The following PRP4K variants were observed in gnomAD, a reference collection of about 807,000 sequenced individuals.
PRP4K encodes pre-mRNA processing factor kinase PRP4K.
chr6:4,024,812 A>G, the PRP4K span, among the ~76,000 whole-genome samples: 1 of 152,186 alleles, frequency 6.6e-6, no homozygotes, highest in African/African-American at 2.4e-5. Flanking sequence ...CATATTGGCC[A>G]GGCTGGTCTC....
chr6:4,056,788 GAGA>G, the PRP4K span: 11 of 1,335,080 alleles, frequency 8.2e-6, no homozygotes, highest in Non-Finnish European at 1.0e-5. Flanking sequence ...AATGAGAAAA[GAGA>G]AGAAATACAT....
At chr6:4,048,645 G>A in the PRP4K span, among the ~76,000 whole-genome samples, 7 of 151,926 alleles carry the variant, frequency 4.6e-5, no homozygotes, top group African/African-American at 9.7e-5. Flanking sequence ...ATGGCTCACC[G>A]CAGCCTTGAA....
chr6:4,053,530 T>C, the PRP4K span, among the ~76,000 whole-genome samples: 1 of 147,788 alleles, frequency 6.8e-6, no homozygotes, highest in East Asian at 2.0e-4. Flanking sequence ...AAACCTTAAT[T>C]CTCTTCGACT....
At chr6:4,060,293 A>G in the PRP4K span, 1 of 860,790 alleles carries the variant, frequency 1.2e-6, no homozygotes, top group South Asian at 1.8e-5. This position sits in a 1 kb window ranked among gnomAD's most constrained non-coding sequence, Gnocchi z 4.7. Flanking sequence ...CACTGTGTGT[A>G]TATATTTTGT....
At chr6:4,024,461 C>T in the PRP4K span, among the ~76,000 whole-genome samples, 3 of 152,158 alleles carry the variant, frequency 2.0e-5, no homozygotes, top group African/African-American at 4.8e-5. Context: ...AGCTTAAAAA[C>T]GGCTTTATTC....
the PRP4K span, among the ~76,000 whole-genome samples, chr6:4,055,871 T>C: frequency 8.5e-5 from 13 of 152,330 alleles, no homozygotes; most frequent in Admixed American, 2.0e-4. Context: ...GAATATTTTG[T>C]TTTTGTCCAA....
chr6:4,047,137 T>C, the PRP4K span: 1 of 1,531,750 alleles, frequency 6.5e-7, no homozygotes, highest in South Asian at 1.1e-5. Flanking sequence ...TTAAATCATC[T>C]CTTCACTTTT....
At chr6:4,024,014 G>A in the PRP4K span, among the ~76,000 whole-genome samples, 6 of 151,742 alleles carry the variant, frequency 4.0e-5, no homozygotes, top group East Asian at 3.9e-4. Flanking sequence ...TTACAGGCAC[G>A]TACCACCACG....
At chr6:4,040,330 T>C in the PRP4K span, among the ~76,000 whole-genome samples, 1 of 152,170 alleles carries the variant, frequency 6.6e-6, no homozygotes, top group African/African-American at 2.4e-5. Context: ...TAAGTCACAC[T>C]CAAGTTAGAG....
the PRP4K span, chr6:4,032,850 G>A: frequency 3.1e-6 from 4 of 1,287,900 alleles, no homozygotes; most frequent in South Asian, 2.4e-5. Context: ...GAAGTAGTAA[G>A]TAAAAATAAA....
the PRP4K span, among the ~76,000 whole-genome samples, chr6:4,046,570 T>C: frequency 2.0e-5 from 3 of 152,174 alleles, no homozygotes; most frequent in Admixed American, 2.0e-4. Context: ...GTTTTAAAGA[T>C]GAGCTTTTAT....
the PRP4K span, chr6:4,044,044 C>T: frequency 3.6e-5 from 58 of 1,600,498 alleles, no homozygotes; most frequent in Admixed American, 1.0e-4. Flanking sequence ...TTTGTCCTGG[C>T]GACGCTTTTC....
At chr6:4,043,902 T>C in the PRP4K span, 5 of 1,614,170 alleles carry the variant, frequency 3.1e-6, no homozygotes, top group Non-Finnish European at 4.2e-6. Flanking sequence ...GATCACCATC[T>C]CCAGATGACA....
At chr6:4,022,229 T>C in the PRP4K span, among the ~76,000 whole-genome samples, 8 of 136,510 alleles carry the variant, frequency 5.9e-5, no homozygotes. Flanking sequence ...GTAGTGGGAA[T>C]TGCTAGCTAC....
At chr6:4,056,495 A>G in the PRP4K span, 13 of 1,611,802 alleles carry the variant, frequency 8.1e-6, no homozygotes, top group African/African-American at 1.6e-4. Context: ...CGCATACTTA[A>G]TGTCTAAGCA....
At chr6:4,053,487 T>C in the PRP4K span, among the ~76,000 whole-genome samples, 1 of 152,216 alleles carries the variant, frequency 6.6e-6, no homozygotes, top group Non-Finnish European at 1.5e-5. Flanking sequence ...GTGTGTATTG[T>C]TCCCCTGTGT....
At chr6:4,045,972 A>G in the PRP4K span, among the ~76,000 whole-genome samples, 1 of 152,250 alleles carries the variant, frequency 6.6e-6, no homozygotes, top group African/African-American at 2.4e-5. Flanking sequence ...ACCAAACTAT[A>G]CATACTTAGA....
the PRP4K span, chr6:4,032,742 C>T: frequency 6.4e-7 from 1 of 1,569,682 alleles, no homozygotes; most frequent in Non-Finnish European, 8.6e-7. Context: ...GAGGAGACGA[C>T]TTTCTTCTCC....
At chr6:4,031,392 C>T in the PRP4K span, among the ~76,000 whole-genome samples, 6 of 152,124 alleles carry the variant, frequency 3.9e-5, no homozygotes, top group Admixed American at 3.9e-4. Context: ...CAGTTCTTGC[C>T]GTAGACCTTC....
Sources: gnomAD v4.1 joint callset for allele counts (sites outside exome capture counted in the v4.1 genomes callset) on GRCh38, gnomAD v4.1.1 for gene constraint, Gnocchi (gnomAD v3.1) non-coding constraint, MANE v1.5 for transcripts, NCBI Gene and HGNC (gene_info 2026-07-23, HGNC 2026-07-21) for gene names.